The following WDR72 variants were observed in gnomAD, a reference collection of about 807,000 sequenced individuals.
WDR72 encodes WD repeat-containing protein 72.
A neutral mutation model predicts 124.2 loss-of-function variants in WDR72; 120 were observed. That is an observed-to-expected ratio of 0.97 (90% CI 0.83 to 1.12). WDR72 has a LOEUF of 1.12. Among genes scored for constraint, WDR72 ranks in the 50% most tolerant of loss-of-function variants. The probability of loss-of-function intolerance (pLI) is 0.00; values close to 1 mark genes in which losing one functional copy is unlikely to be tolerated. For synonymous variants in WDR72, 452 were observed against 441.7 expected (o/e 1.02, Z -0.29); for missense variants, 1,387 against 1,278.8 (o/e 1.08, Z -1.29).
intron 18 of WDR72, among the ~76,000 whole-genome samples, chr15:53,564,446 A>G (rs1247560124): frequency 6.6e-6 from 1 of 151,872 alleles, no homozygotes; most frequent in Non-Finnish European, 1.5e-5. Flanking sequence ...TACCTGGTAA[A>G]CATGCCATGT....
chr15:53,752,522 C>G (rs990691405), intron 1 of WDR72, among the ~76,000 whole-genome samples: 3 of 152,106 alleles, frequency 2.0e-5, no homozygotes, highest in East Asian at 3.9e-4. Flanking sequence ...CAGCAAACCA[C>G]GAGAAGCTAA....
At chr15:53,677,121 T>C (rs690459) in intron 13 of WDR72, among the ~76,000 whole-genome samples, 14,458 of 151,906 alleles carry the variant, frequency 0.095, 1,841 homozygotes, top group African/African-American at 0.29. Context: ...GGGGTTTCAC[T>C]GTGTTAGCCA....
intron 13 of WDR72, among the ~76,000 whole-genome samples, chr15:53,671,498 C>A (rs1365851492): frequency 2.0e-5 from 3 of 152,308 alleles, no homozygotes; most frequent in African/African-American, 7.2e-5. Flanking sequence ...GAGCTTGGTA[C>A]AAAGCAGGTC....
Position 53,593,720 on chromosome 15 carries a change from C to T in WDR72, c.3148+3359G>A, listed in dbSNP as rs541668040. Among the ~76,000 whole-genome samples the T allele has an allele frequency of 7.3e-4, 110 of 151,638 alleles. 3 individuals are homozygous for T. In the South Asian group the frequency reaches 0.022, roughly 30 times the overall value. On this transcript the variant is annotated intron_variant, in intron 18 of 19. Coordinates refer to ENST00000360509, the MANE Select transcript of WDR72 (RefSeq NM_182758.4). ...GAGGCTGCAGTGAGACAAGATCACA[C>T]CATTGCACTCTAGCCTGGGTGACAG... is the stretch of plus-strand genomic sequence containing the variant.
At chr15:53,605,153 C>T (rs2140352070) in intron 17 of WDR72, among the ~76,000 whole-genome samples, 1 of 152,316 alleles carries the variant, frequency 6.6e-6, no homozygotes, top group Middle Eastern at 3.4e-3. Context: ...GAATACTATG[C>T]AGCCATAAAA....
intron 1 of WDR72, among the ~76,000 whole-genome samples, chr15:53,735,234 T>C (rs1402020126): frequency 6.6e-6 from 1 of 151,880 alleles, no homozygotes; most frequent in Middle Eastern, 3.2e-3. Flanking sequence ...GAGGTTGCAG[T>C]GAGCTGAGAT....
intron 2 of WDR72, among the ~76,000 whole-genome samples, chr15:53,724,780 T>C (rs1317764148): frequency 6.6e-6 from 1 of 152,172 alleles, no homozygotes; most frequent in Non-Finnish European, 1.5e-5. Context: ...TATCAAATCA[T>C]CACTCTGTAC....
intron 18 of WDR72, among the ~76,000 whole-genome samples, chr15:53,576,729 G>A (rs2011634208): frequency 1.3e-5 from 2 of 152,124 alleles, no homozygotes; most frequent in Admixed American, 1.3e-4. Flanking sequence ...GGTGGATACT[G>A]AGATGACTTG....
chr15:53,634,977 G>A lies in WDR72; in HGVS notation c.1963-18734C>T, dbSNP rs1202354003. Reference sequence around the variant, plus strand: ...CCTTCTGCTCTCACACAGCAGCAATGAGCCAGAGCAAGGTGGTGTAAGTTG... The same window carrying A: ...CCTTCTGCTCTCACACAGCAGCAATAAGCCAGAGCAAGGTGGTGTAAGTTG... On this transcript the variant is annotated intron_variant, in intron 14 of 19. Coordinates refer to ENST00000360509, the MANE Select transcript of WDR72 (RefSeq NM_182758.4). Among the ~76,000 whole-genome samples, 4 of 152,216 alleles carry A rather than the reference G, an allele frequency of 2.6e-5. No homozygotes were observed. In the East Asian group the frequency reaches 7.7e-4, roughly 29 times the overall value.
intron 18 of WDR72, among the ~76,000 whole-genome samples, chr15:53,563,598 C>T (rs1173969490): frequency 6.6e-6 from 1 of 151,602 alleles, no homozygotes; most frequent in Non-Finnish European, 1.5e-5. Context: ...TTAATACCCC[C>T]AAACTAGGTT....
chr15:53,644,802 C>T (rs539929011), intron 14 of WDR72, among the ~76,000 whole-genome samples: 41 of 152,128 alleles, frequency 2.7e-4, no homozygotes, highest in Non-Finnish European at 4.9e-4. Context: ...AAGGAGAAAG[C>T]CTTCAATCTG....
chr15:53,680,846 C>T (rs2016356001), intron 13 of WDR72, among the ~76,000 whole-genome samples: 2 of 152,126 alleles, frequency 1.3e-5, no homozygotes, highest in Admixed American at 1.3e-4. Flanking sequence ...GAACCTGCTT[C>T]CCCCAAATGT....
rs7171619 is a variant in WDR72, at chr15:53,598,462, C to G, written c.2953-1188G>C. ...AGAGATGCTTTGGCCAAAAACTGAACGTGTATTTATGTAAACAAATTACAT... is the reference window on the plus strand; with the variant it reads ...AGAGATGCTTTGGCCAAAAACTGAAGGTGTATTTATGTAAACAAATTACAT... On this transcript the variant is annotated intron_variant, in intron 17 of 19. Coordinates refer to ENST00000360509, the MANE Select transcript of WDR72 (RefSeq NM_182758.4). 9.9e-5 allele frequency among the ~76,000 whole-genome samples: 15 copies of G among 151,792 alleles called. No homozygotes were observed. The East Asian group carries it at 2.9e-3, about 30-fold the overall frequency.
intron 1 of WDR72, among the ~76,000 whole-genome samples, chr15:53,748,629 T>C (rs757764028): frequency 6.6e-6 from 1 of 152,160 alleles, no homozygotes; most frequent in Non-Finnish European, 1.5e-5. Context: ...GCACTCTTAG[T>C]TGATGATCCT....
At chr15:53,681,477 A>G (rs2016382280) in intron 13 of WDR72, among the ~76,000 whole-genome samples, 1 of 152,182 alleles carries the variant, frequency 6.6e-6, no homozygotes, top group African/African-American at 2.4e-5. Context: ...TGCAGATACC[A>G]GATACATAAC....
intron 18 of WDR72, among the ~76,000 whole-genome samples, chr15:53,555,289 T>C (rs1893887477): frequency 6.6e-6 from 1 of 150,970 alleles, no homozygotes; most frequent in Non-Finnish European, 1.5e-5. Flanking sequence ...CACGTGCACT[T>C]CACGGAGGAC....
chr15:53,677,078 G>A (rs1475999127), intron 13 of WDR72, among the ~76,000 whole-genome samples: 2 of 151,674 alleles, frequency 1.3e-5, no homozygotes, highest in Non-Finnish European at 2.9e-5. Flanking sequence ...CCTCCCGCAC[G>A]CCCAGCTAAT....
At chr15:53,631,838 A>G (rs1322675487) in intron 14 of WDR72, among the ~76,000 whole-genome samples, 1 of 152,208 alleles carries the variant, frequency 6.6e-6, no homozygotes, top group African/African-American at 2.4e-5. Context: ...GAAGCACTGA[A>G]GATGTGACTT....
intron 14 of WDR72, among the ~76,000 whole-genome samples, chr15:53,624,810 G>A (rs2014141037): frequency 6.6e-6 from 1 of 152,156 alleles, no homozygotes; most frequent in Admixed American, 6.5e-5. Flanking sequence ...ACTTTAGGAA[G>A]TGTATGCTAA....
Sources: allele counts gnomAD v4.1 joint callset (sites outside exome capture counted in the v4.1 genomes callset), GRCh38; gene constraint gnomAD v4.1.1; transcripts MANE v1.5; gene names NCBI Gene and HGNC (gene_info 2026-07-23, HGNC 2026-07-21).